Variants in BCKDHA observed in about 807,000 individuals in gnomAD.
BCKDHA encodes 2-oxoisovalerate dehydrogenase subunit alpha, mitochondrial.
Under a neutral mutation model 52.2 loss-of-function variants are expected in BCKDHA, and 43 were observed. The ratio of observed to expected loss-of-function variants is 0.82; its 90% CI spans 0.64 to 1.06. The LOEUF is 1.06. Among genes scored for constraint, BCKDHA ranks in the 50% least tolerant of loss-of-function variants. The pLI is 0.00. For synonymous variants in BCKDHA, 234 were observed against 247.9 expected, an observed-to-expected ratio of 0.94 and a Z score of 0.53; for missense variants, 527 against 621.3, an observed-to-expected ratio of 0.85 and a Z score of 1.61.
intron 3 of BCKDHA, among the ~76,000 whole-genome samples, chr19:41,412,407 GA>G (rs1337076964): frequency 3.0e-5 from 1 of 33,560 alleles, no homozygotes; most frequent in Non-Finnish European, 6.4e-5. Context: ...TTACTTTTGA[GA>G]TGGAGTTTTG....
At chr19:41,412,786 C>T (rs936821100) in intron 3 of BCKDHA, among the ~76,000 whole-genome samples, 1 of 152,106 alleles carries the variant, frequency 6.6e-6, no homozygotes, top group East Asian at 1.9e-4. Context: ...TCACTGCAAC[C>T]TCCGCCTCCC....
chr19:41,402,966 GCCTCTTT>G (rs1291902565), intron 1 of BCKDHA, among the ~76,000 whole-genome samples: 4 of 151,850 alleles, frequency 2.6e-5, no homozygotes, highest in Non-Finnish European at 5.9e-5. Flanking sequence ...CTTGTCTTTC[GCCTCTTT>G]CCACTTCAGT....
At chr19:41,415,528 A>T (rs2039298493) in intron 4 of BCKDHA, 1 of 152,238 alleles carries the variant, frequency 6.6e-6, no homozygotes, top group African/African-American at 2.4e-5. Context: ...TCTAGACTTC[A>T]CTTGGCAGGC....
intron 5 of BCKDHA, among the ~76,000 whole-genome samples, chr19:41,419,966 A>G (rs2039347328): frequency 6.6e-6 from 1 of 151,616 alleles, no homozygotes. Flanking sequence ...ATAAGGTTTC[A>G]CCATTTTGGC....
intron 5 of BCKDHA, among the ~76,000 whole-genome samples, chr19:41,419,941 G>A (rs560308679): frequency 6.6e-6 from 1 of 151,902 alleles, no homozygotes; most frequent in Non-Finnish European, 1.5e-5. Context: ...CTAAATTTTT[G>A]TATTTTTTGT....
At chr19:41,418,798 T>G (rs1403074261) in intron 4 of BCKDHA, 1 of 449,960 alleles carries the variant, frequency 2.2e-6, no homozygotes, top group African/African-American at 2.0e-5. Flanking sequence ...CGTCAGCCTC[T>G]CAAAGTGCTG....
At chr19:41,412,337 C>G (rs2039262751) in intron 3 of BCKDHA, among the ~76,000 whole-genome samples, 1 of 149,916 alleles carries the variant, frequency 6.7e-6, no homozygotes, top group Non-Finnish European at 1.5e-5. Context: ...CTCCCCCTTG[C>G]TATCCCTTTC....
intron 4 of BCKDHA, among the ~76,000 whole-genome samples, chr19:41,416,010 C>T (rs1171826365): frequency 6.7e-6 from 1 of 149,500 alleles, no homozygotes; most frequent in African/African-American, 2.5e-5. Flanking sequence ...GTGGCGCAGT[C>T]TTGGCTCATT....
intron 5 of BCKDHA, among the ~76,000 whole-genome samples, chr19:41,420,241 C>T (rs538169859): frequency 6.6e-5 from 10 of 152,354 alleles, no homozygotes; most frequent in Admixed American, 5.2e-4. Context: ...CACCAGGTTC[C>T]ACTGTGCCAA....
chr19:41,416,679 G>GCT (rs1555766353), intron 4 of BCKDHA, among the ~76,000 whole-genome samples: 1 of 152,174 alleles, frequency 6.6e-6, no homozygotes, highest in Non-Finnish European at 1.5e-5. Flanking sequence ...CAGCACTTCG[G>GCT]GAGGCTGAGG....
chr19:41,410,658 C>T lies in BCKDHA; in HGVS notation c.130C>T (p.Gln44Ter), dbSNP rs1220443382. The T allele has an allele frequency of 1.2e-6, 2 of 1,614,098 alleles. No individual in the cohort carries two copies. The highest frequency in any genetic ancestry group is 1.7e-6 in the Non-Finnish European group (2 of 1,180,056). ...CCAGCACCCCCCCAGGCAGCAGCAG[C>T]AGTTTTCATCTCTGGATGACAAGCC... The part of the protein sequence containing the change: ...ARSHPPRQQQ[Q>*]FSSLDDKPQF... The change falls in exon 2 of 9, where the codon CAG (glutamine) becomes TAG (stop). Residue 44 changes from glutamine (Q) to a stop codon, truncating the protein, a stop_gained. Transcript: ENST00000269980. LOFTEE classifies it high-confidence loss of function.
chr19:41,422,529 C>T (rs2039378937), intron 6 of BCKDHA, 100 bp from the exon 7 acceptor site: 5 of 1,590,720 alleles, frequency 3.1e-6, no homozygotes, highest in Non-Finnish European at 4.3e-6. Flanking sequence ...GTCCTGAGCA[C>T]TCAGCCTTGC....
chr19:41,399,772 C>T (rs73047262), intron 1 of BCKDHA: 8,145 of 145,210 alleles, frequency 0.056, 325 homozygotes, highest in Non-Finnish European at 0.089. Flanking sequence ...CTTTCTGTAC[C>T]TCTCTTTCCT....
intron 1 of BCKDHA, among the ~76,000 whole-genome samples, chr19:41,400,651 A>G (rs997448445): frequency 6.6e-6 from 1 of 152,048 alleles, no homozygotes; most frequent in Non-Finnish European, 1.5e-5. Context: ...CCCAAAGTGC[A>G]GGATGACAAG....
intron 1 of BCKDHA, chr19:41,399,480 C>G (rs966796521): frequency 6.6e-6 from 1 of 151,910 alleles, no homozygotes; most frequent in Admixed American, 6.6e-5. Context: ...AAATCTTTCT[C>G]TCCTGTCTCA....
At chr19:41,423,569 C>T (rs541037924) in intron 8 of BCKDHA, among the ~76,000 whole-genome samples, 7 of 152,312 alleles carry the variant, frequency 4.6e-5, no homozygotes, top group Admixed American at 1.3e-4. Flanking sequence ...CAGTGGCTCA[C>T]GCCTGTAATC....
intron 1 of BCKDHA, among the ~76,000 whole-genome samples, chr19:41,400,610 C>T (rs1173467398): frequency 9.9e-5 from 15 of 152,090 alleles, no homozygotes; most frequent in Non-Finnish European, 2.2e-4. Flanking sequence ...TCTTGAACTC[C>T]TGGACTCAAG....
rs760494152 is a variant in BCKDHA, at chr19:41,422,627, A to G, written c.854-2A>G. The stretch of plus-strand genomic sequence containing the variant: ...TGACCTGCCTTCTCTGTGTCCCCAC[A>G]GCAGCACGAGGCCCCGGGTATGGCA... On this transcript the variant is annotated splice_acceptor_variant, in intron 6 of 8. Coordinates refer to ENST00000269980, the MANE Select transcript of BCKDHA (RefSeq NM_000709.4). LOFTEE classifies it high-confidence loss of function. 3.0e-5 allele frequency: 48 copies of G among 1,613,982 alleles called. No homozygotes were observed. The highest frequency in any genetic ancestry group is 3.9e-5 in the Non-Finnish European group (46 of 1,180,022).
Position 41,404,741 on chromosome 19 carries a change from G to A in BCKDHA, c.109-5896G>A, listed in dbSNP as rs182834568. Among the ~76,000 whole-genome samples, 1,117 of 151,672 alleles carry A rather than the reference G, an allele frequency of 7.4e-3. 9 individuals are homozygous for A. Among genetic ancestry groups the A allele is most frequent in the Middle Eastern group, 0.056 (16 of 288 alleles). On this transcript the variant is annotated intron_variant, in intron 1 of 8. Transcript: ENST00000269980. ...CCTGAGTAGCTGGGACTATAGGTGCGTGCCACCACGCCTGGCTAATTTTTG... is the reference window on the plus strand; with the variant it reads ...CCTGAGTAGCTGGGACTATAGGTGCATGCCACCACGCCTGGCTAATTTTTG...
Sources: allele counts gnomAD v4.1 joint callset (sites outside exome capture counted in the v4.1 genomes callset), GRCh38; gene constraint gnomAD v4.1.1; transcripts MANE v1.5; gene names NCBI Gene and HGNC (gene_info 2026-07-23, HGNC 2026-07-21).